The following TCF12 variants were observed in gnomAD, a reference collection of about 807,000 sequenced individuals.
The protein encoded by TCF12 is DNA-binding protein HTF4.
A neutral mutation model predicts 86.0 loss-of-function variants in TCF12; 45 were observed. The observed-to-expected ratio is 0.52, with a 90% CI of 0.41 to 0.67. The LOEUF (loss-of-function observed/expected upper bound fraction) is 0.67, where lower values mean the gene tolerates loss of function less well. Ranked by LOEUF, TCF12 falls within the 30% of genes least tolerant of loss-of-function variation. The pLI, the probability that TCF12 is intolerant of heterozygous loss-of-function variation, is 0.00. For synonymous variants in TCF12, 330 were observed against 299.6 expected (o/e 1.10, Z -1.05); for missense variants, 881 against 859.9 (o/e 1.02, Z -0.31).
chr15:57,230,069 G>A (rs747114870), intron 8 of TCF12, among the ~76,000 whole-genome samples: 9 of 151,708 alleles, frequency 5.9e-5, no homozygotes, highest in African/African-American at 1.7e-4. Flanking sequence ...TTCCCAATTC[G>A]AAGTCCAAAG....
chr15:57,251,292 A>G (rs748271767), intron 13 of TCF12, 58 bp from the exon 14 acceptor site: 16 of 1,443,466 alleles, frequency 1.1e-5, no homozygotes, highest in Middle Eastern at 3.5e-4. Flanking sequence ...TTTCCTTCAC[A>G]ACATTATCAA....
intron 5 of TCF12, among the ~76,000 whole-genome samples, chr15:57,096,295 C>A: frequency 6.6e-6 from 1 of 152,032 alleles, no homozygotes; most frequent in Non-Finnish European, 1.5e-5. Context: ...CTACGACACC[C>A]CAAAATCACA....
chr15:56,979,582 A>G (rs1252213746), intron 3 of TCF12, among the ~76,000 whole-genome samples: 1 of 152,206 alleles, frequency 6.6e-6, no homozygotes, highest in African/African-American at 2.4e-5. Flanking sequence ...TCTGAGAGAA[A>G]CACGTTGAAT....
At chr15:56,984,113 G>A (rs903188539) in intron 3 of TCF12, among the ~76,000 whole-genome samples, 3 of 144,000 alleles carry the variant, frequency 2.1e-5, no homozygotes, top group African/African-American at 4.9e-5. Context: ...AGAAAGATAC[G>A]TTGTTCTTCT....
At chr15:57,093,860 T>A (rs2049150082) in intron 5 of TCF12, among the ~76,000 whole-genome samples, 1 of 152,222 alleles carries the variant, frequency 6.6e-6, no homozygotes, top group African/African-American at 2.4e-5. Context: ...TGCATTCATG[T>A]GAACTACGTT....
intron 3 of TCF12, among the ~76,000 whole-genome samples, chr15:56,977,844 G>A (rs1489555976): frequency 6.6e-6 from 1 of 152,130 alleles, no homozygotes; most frequent in African/African-American, 2.4e-5. Flanking sequence ...AGAATCACCT[G>A]GAGGATTTTT....
chr15:56,968,828 A>G (rs117166784), intron 3 of TCF12, among the ~76,000 whole-genome samples: 2 of 152,300 alleles, frequency 1.3e-5, no homozygotes, highest in South Asian at 4.1e-4. Context: ...TTAGGGAGAC[A>G]TGAGACATCA....
intron 19 of TCF12, among the ~76,000 whole-genome samples, chr15:57,279,622 A>G (rs1303257406): frequency 3.3e-5 from 5 of 152,202 alleles, no homozygotes; most frequent in Admixed American, 2.6e-4. Flanking sequence ...GTCTGAATAT[A>G]GGAACCTGAA....
intron 16 of TCF12, among the ~76,000 whole-genome samples, chr15:57,254,699 TA>T (rs1426189787): frequency 2.7e-5 from 4 of 149,842 alleles, no homozygotes; most frequent in South Asian, 2.1e-4. Flanking sequence ...CTACAAAAAA[TA>T]AAAAAAAATT....
rs538404551 is a variant in TCF12, at chr15:57,054,516, G to A, written c.149-9234G>A. 1.1e-4 allele frequency among the ~76,000 whole-genome samples: 16 copies of A among 152,224 alleles called. No individual in the cohort carries two copies. The South Asian group carries it at 3.3e-3, about 32-fold the overall frequency. On this transcript the variant is annotated intron_variant, in intron 3 of 20. Coordinates refer to ENST00000333725, the MANE Select transcript of TCF12 (RefSeq NM_207037.2). ...AATATAATTGTCTTGTTCAAGAAGG[G>A]CAGCAACATGAACTTTATGAGCTCA...
At chr15:57,179,973 C>G (rs1315746368) in intron 6 of TCF12, among the ~76,000 whole-genome samples, 1 of 152,116 alleles carries the variant, frequency 6.6e-6, no homozygotes, top group African/African-American at 2.4e-5. Flanking sequence ...TCCCTTTGTT[C>G]TCAGAATGAT....
At chr15:57,087,144 A>T (rs1042241166) in intron 4 of TCF12, among the ~76,000 whole-genome samples, 4 of 150,580 alleles carry the variant, frequency 2.7e-5, no homozygotes, top group African/African-American at 9.8e-5. Flanking sequence ...CCTTGGATAC[A>T]ACAAAATATT....
At chr15:57,087,450 T>A (rs1320997135) in intron 4 of TCF12, among the ~76,000 whole-genome samples, 1 of 150,714 alleles carries the variant, frequency 6.6e-6, no homozygotes, top group Non-Finnish European at 1.5e-5. Flanking sequence ...TATATTTGAT[T>A]ATGTGCTGTT....
intron 3 of TCF12, among the ~76,000 whole-genome samples, chr15:56,974,668 G>A (rs1456968251): frequency 1.3e-5 from 2 of 152,120 alleles, no homozygotes; most frequent in African/African-American, 2.4e-5. Context: ...ATACTAGTTT[G>A]TAAGTTTTTA....
At chr15:57,054,139 CAG>C (rs1428510542) in intron 3 of TCF12, among the ~76,000 whole-genome samples, 2 of 152,108 alleles carry the variant, frequency 1.3e-5, no homozygotes, top group African/African-American at 4.8e-5. Flanking sequence ...CTGAGAGAGG[CAG>C]AGTGTGTTGT....
At position 57,253,406 on chromosome 15, in the gene TCF12, G is replaced by A. The variant is rs893557688; in HGVS notation, c.1405G>A (p.Gly469Arg). The A allele has an allele frequency of 6.2e-7, 1 of 1,613,896 alleles. No individual in the cohort carries two copies. The highest frequency in any genetic ancestry group is 8.5e-7 in the Non-Finnish European group (1 of 1,179,984). The change falls in exon 16 of 21, where the codon GGA (glycine) becomes AGA (arginine). Residue 469 changes from glycine (G) to arginine (R), a missense_variant. By Grantham distance (125) the Gly-to-Arg change is moderately radical (BLOSUM62 -2). Coordinates refer to ENST00000333725, the MANE Select transcript of TCF12 (RefSeq NM_207037.2). ...GGGACCATCCCATAATGCACCAATT[G>A]GAAGCCTCAATTCAAACTATGGAGG... Reference protein sequence around the residue: ...LLGPSHNAPIGSLNSNYGGSS... With the variant: ...LLGPSHNAPIRSLNSNYGGSS...
chr15:56,965,410 C>G (rs184963209), intron 3 of TCF12, among the ~76,000 whole-genome samples: 2 of 152,106 alleles, frequency 1.3e-5, no homozygotes, highest in East Asian at 3.8e-4. Context: ...ACTTTTTAGA[C>G]CCATTTATTA....
intron 18 of TCF12, among the ~76,000 whole-genome samples, chr15:57,272,658 GT>G (rs1453419979): frequency 6.6e-6 from 1 of 152,176 alleles, no homozygotes; most frequent in Non-Finnish European, 1.5e-5. Context: ...CTACTCCAGT[GT>G]TTTTAACAAG....
At chr15:57,188,609 A>T (rs2056811972) in intron 6 of TCF12, among the ~76,000 whole-genome samples, 1 of 152,184 alleles carries the variant, frequency 6.6e-6, no homozygotes, top group Non-Finnish European at 1.5e-5. Flanking sequence ...GACCAATGGG[A>T]TAGAATTTGG....
Sources: allele counts gnomAD v4.1 joint callset (sites outside exome capture counted in the v4.1 genomes callset), GRCh38; gene constraint gnomAD v4.1.1; transcripts MANE v1.5; gene names NCBI Gene and HGNC (gene_info 2026-07-23, HGNC 2026-07-21).